DOCK7: variants seen among roughly 807,000 people sequenced by gnomAD.
The protein encoded by DOCK7 is dedicator of cytokinesis protein 7.
DOCK7 carries 138 observed loss-of-function variants against 271.0 expected under a neutral mutation model. The observed-to-expected ratio is 0.51, with a 90% CI of 0.44 to 0.59. The LOEUF (loss-of-function observed/expected upper bound fraction) is 0.59. Ranked by LOEUF, DOCK7 falls within the 20% of genes least tolerant of loss-of-function variation. DOCK7 has a pLI of 0.00. For synonymous variants in DOCK7, 823 were observed against 876.1 expected (o/e 0.94, Z 1.07); for missense variants, 2,066 against 2,592.4 (o/e 0.80, Z 4.41).
intron 1 of DOCK7, among the ~76,000 whole-genome samples, chr1:62,676,743 A>C (rs1660585337): frequency 6.6e-6 from 1 of 152,220 alleles, no homozygotes; most frequent in Non-Finnish European, 1.5e-5. Flanking sequence ...GGTTGATATG[A>C]ATGAAGGAGT....
At chr1:62,512,044 C>T (rs1043344683) in intron 33 of DOCK7, among the ~76,000 whole-genome samples, 7 of 152,238 alleles carry the variant, frequency 4.6e-5, no homozygotes, top group African/African-American at 1.2e-4. Flanking sequence ...CCCAAAAGTA[C>T]ACTGTAAATT....
intron 31 of DOCK7, among the ~76,000 whole-genome samples, chr1:62,526,558 C>A (rs1217531552): frequency 2.6e-5 from 4 of 151,840 alleles, no homozygotes; most frequent in African/African-American, 7.3e-5. Flanking sequence ...TATGATCCAG[C>A]AAATCCACTC....
At chr1:62,661,523 A>G (rs1326557565) in intron 2 of DOCK7, among the ~76,000 whole-genome samples, 1 of 151,944 alleles carries the variant, frequency 6.6e-6, no homozygotes, top group East Asian at 1.9e-4. Context: ...TTTAAATTCA[A>G]TTTTTTTCTA....
intron 31 of DOCK7, among the ~76,000 whole-genome samples, chr1:62,520,648 G>C (rs949114634): frequency 6.6e-6 from 1 of 152,216 alleles, no homozygotes; most frequent in Non-Finnish European, 1.5e-5. Flanking sequence ...CTTTTACACT[G>C]TTGGTGGGAG....
At chr1:62,655,283 A>T (rs943152839) in intron 2 of DOCK7, among the ~76,000 whole-genome samples, 10 of 152,202 alleles carry the variant, frequency 6.6e-5, no homozygotes, top group Non-Finnish European at 1.2e-4. Context: ...GCAGTTATAG[A>T]CCAATGAAAA....
chr1:62,529,961 C>T (rs1428901777), intron 29 of DOCK7, among the ~76,000 whole-genome samples: 1 of 152,070 alleles, frequency 6.6e-6, no homozygotes, highest in Non-Finnish European at 1.5e-5. Context: ...TACTAATATA[C>T]CTCATTTGGG....
At chr1:62,645,734 A>G (rs534474143) in intron 7 of DOCK7, among the ~76,000 whole-genome samples, 12 of 152,360 alleles carry the variant, frequency 7.9e-5, no homozygotes, top group African/African-American at 2.6e-4. Context: ...CGTGAATTAT[A>G]CCTCAATAAA....
rs768632323 is a variant in DOCK7 at position 62,561,689 on chromosome 1, G to A, written c.2127C>T (p.Gly709=). 3 of 1,572,480 alleles carry A rather than the reference G, an allele frequency of 1.9e-6. No homozygotes were observed. Among genetic ancestry groups the A allele is most frequent in the Non-Finnish European group, 2.6e-6 (3 of 1,164,468 alleles). Residue 709 remains glycine (G), a synonymous_variant, in exon 19 of 50, where the codon GGC becomes GGT. Transcript: ENST00000635253. ...SVLSPEVPLP[G]MKWVDNHKGV... is the part of the protein sequence containing the mutation. Reference sequence around the variant, plus strand: ...CTTTGTGATTATCTACCCATTTCATGCCAGGTAGAGGAACCTGTAAGATAT... The same window carrying A: ...CTTTGTGATTATCTACCCATTTCATACCAGGTAGAGGAACCTGTAAGATAT...
intron 37 of DOCK7, among the ~76,000 whole-genome samples, chr1:62,498,579 T>C (rs1380757349): frequency 1.3e-5 from 2 of 151,938 alleles, no homozygotes; most frequent in East Asian, 3.9e-4. Context: ...ACTAGATTCA[T>C]CTGTTATTAA....
chr1:62,688,297 CT>C lies in DOCK7; in HGVS notation c.-34del. Reference sequence around the variant, plus strand: ...GCGGCGACGGCGACGGCGGCGGCGGCTGCGGCGGGCCGGGTGCGGACCGGCG... The same window carrying C: ...GCGGCGACGGCGACGGCGGCGGCGGCGCGGCGGGCCGGGTGCGGACCGGCG... On this transcript the variant is annotated 5_prime_UTR_variant, in exon 1 of 50. Coordinates refer to ENST00000635253, the MANE Select transcript of DOCK7 (RefSeq NM_001367561.1). 8.1e-7 allele frequency: 1 copy of C among 1,234,524 alleles called. No homozygotes were observed. The highest frequency in any genetic ancestry group is 1.0e-6 in the Non-Finnish European group (1 of 985,330). 76.5% of individuals were successfully genotyped at this position (1,234,524 alleles called of 1,614,324 possible).
At chr1:62,520,246 C>A (rs1644805474) in intron 31 of DOCK7, among the ~76,000 whole-genome samples, 1 of 152,118 alleles carries the variant, frequency 6.6e-6, no homozygotes, top group Non-Finnish European at 1.5e-5. Flanking sequence ...CCAAAATTGA[C>A]AAATGGGATC....
chr1:62,468,331 G>A (rs12124281), intron 48 of DOCK7, among the ~76,000 whole-genome samples: 55,412 of 143,254 alleles, frequency 0.39, 11,697 homozygotes, highest in African/African-American at 0.55. Flanking sequence ...ATTGCACTCC[G>A]GCCTGGGCAA....
At chr1:62,669,852 C>A (rs1050538886) in intron 1 of DOCK7, among the ~76,000 whole-genome samples, 1 of 152,188 alleles carries the variant, frequency 6.6e-6, no homozygotes, top group African/African-American at 2.4e-5. Flanking sequence ...TGGCCAAGGC[C>A]GGAGCCCACT....
rs760813445 is a variant in DOCK7, at chr1:62,529,363, G to A, written c.3695C>T (p.Pro1232Leu). 2 of 1,613,762 alleles carry A rather than the reference G, an allele frequency of 1.2e-6. No individual in the cohort carries two copies. Among genetic ancestry groups the A allele is most frequent in the Non-Finnish European group, 1.7e-6 (2 of 1,179,918 alleles). ...CATGGCCACTCGAGCCTTTATCTGA[G>A]GGTCAGAGTACCGCGGGTCTGAGTC... ...SHDSDPRYSDPQIKARVAMLY... is the reference protein window; with the variant it reads ...SHDSDPRYSDLQIKARVAMLY... Residue 1232 changes from proline to leucine, a missense_variant, in exon 30 of 50, where the codon CCT (proline) becomes CTT (leucine). By Grantham distance (98) the Pro-to-Leu change is moderately conservative. Transcript: ENST00000635253.
chr1:62,514,084 G>A (rs879354239), intron 31 of DOCK7, among the ~76,000 whole-genome samples, 186 bp from the exon 32 acceptor site: 1 of 152,174 alleles, frequency 6.6e-6, no homozygotes, highest in Non-Finnish European at 1.5e-5. Context: ...TTAAGAGCCT[G>A]AAGTTTAATG....
At chr1:62,485,622 GA>G (rs1646270839) in intron 43 of DOCK7, 2 of 985,218 alleles carry the variant, frequency 2.0e-6, no homozygotes, top group Non-Finnish European at 2.4e-6. Context: ...AGTTTTCATC[GA>G]GTCAAAAAGA....
rs937878681 is a variant in DOCK7, at chr1:62,485,451, A to G, written c.5508+1947T>C. 5.1e-6 allele frequency: 5 copies of G among 985,304 alleles called. No homozygotes were observed. In the South Asian group the frequency reaches 2.3e-4, roughly 46 times the overall value. 61.0% of individuals were successfully genotyped at this position (985,304 alleles called of 1,614,324 possible). A position where few individuals can be genotyped will look rare whatever the true frequency, so the allele number is the denominator to read the frequency against. ...AAACATGTGACTAATATATAAGCCCAGATGGGGTTTTCCTGTAAGTTGGGG... is the reference window on the plus strand; with the variant it reads ...AAACATGTGACTAATATATAAGCCCGGATGGGGTTTTCCTGTAAGTTGGGG... On this transcript the variant is annotated intron_variant, in intron 43 of 49. Coordinates refer to ENST00000635253, the MANE Select transcript of DOCK7 (RefSeq NM_001367561.1).
At chr1:62,595,055 G>T (rs1437604048) in intron 14 of DOCK7, among the ~76,000 whole-genome samples, 2 of 152,022 alleles carry the variant, frequency 1.3e-5, no homozygotes, top group African/African-American at 4.8e-5. Flanking sequence ...TAAAGGGTAA[G>T]ATGGAAATGA....
Position 62,601,939 on chromosome 1 carries a change from T to G in DOCK7, c.1683-15315A>C, listed in dbSNP as rs115032502. On this transcript the variant is annotated intron_variant, in intron 14 of 49. Coordinates refer to ENST00000635253, the MANE Select transcript of DOCK7 (RefSeq NM_001367561.1). ...TTAGTTCAACTTACTCATTACGTAT[T>G]AGGAAGATTAACCTGGTTATCATTG... 1,562 of 1,056,152 alleles carry G rather than the reference T, an allele frequency of 1.5e-3. 17 individuals carry two copies. The African/African-American group carries it at 0.021, about 14-fold the overall frequency. The allele number at this position is 1,056,152 out of a possible 1,614,324, so 65.4% of individuals were successfully genotyped here. A position where few individuals can be genotyped will look rare whatever the true frequency, so the allele number is the denominator to read the frequency against.
Sources: allele counts gnomAD v4.1 joint callset (sites outside exome capture counted in the v4.1 genomes callset), GRCh38; gene constraint gnomAD v4.1.1; transcripts MANE v1.5; gene names NCBI Gene and HGNC (gene_info 2026-07-23, HGNC 2026-07-21).